The following CDYL variants were observed in gnomAD, a reference collection of about 807,000 sequenced individuals.
CDYL encodes the protein chromodomain Y-like protein.
CDYL carries 8 observed loss-of-function variants against 47.3 expected under a neutral mutation model. The ratio of observed to expected loss-of-function variants is 0.17; its 90% CI spans 0.10 to 0.31. CDYL has a LOEUF of 0.31. Ranked by LOEUF, CDYL falls within the 10% of genes least tolerant of loss-of-function variation. The probability of loss-of-function intolerance (pLI) is 1.00; values close to 1 mark genes in which losing one functional copy is unlikely to be tolerated. For missense variants in CDYL, 471 were observed against 701.4 expected (o/e 0.67, Z 3.71); for synonymous variants, 266 against 265.0 (o/e 1.00, Z -0.04).
intron 1 of CDYL, among the ~76,000 whole-genome samples, chr6:4,833,265 A>G (rs1760199779): frequency 6.8e-6 from 1 of 146,826 alleles, no homozygotes; most frequent in South Asian, 2.2e-4. Flanking sequence ...AGATTCTGGT[A>G]TGTTGTGTCT....
chr6:4,909,310 C>T (rs1177248514), intron 2 of CDYL, among the ~76,000 whole-genome samples: 2 of 152,304 alleles, frequency 1.3e-5, no homozygotes, highest in East Asian at 1.9e-4. Flanking sequence ...CCAGGCTTTC[C>T]GGCGTCCGTA....
intron 1 of CDYL, among the ~76,000 whole-genome samples, chr6:4,890,941 G>A (rs1762024769): frequency 6.6e-6 from 1 of 152,230 alleles, no homozygotes; most frequent in Admixed American, 6.5e-5. Flanking sequence ...GTTCATGTGA[G>A]TAGCGGAAGA....
intron 1 of CDYL, among the ~76,000 whole-genome samples, chr6:4,708,371 G>A (rs1757085547): frequency 1.3e-5 from 2 of 152,016 alleles, no homozygotes; most frequent in Admixed American, 1.3e-4. Flanking sequence ...TGTTGTCCAG[G>A]CTGATCTCAA....
At chr6:4,838,711 G>T (rs953254233) in intron 1 of CDYL, among the ~76,000 whole-genome samples, 49 of 151,570 alleles carry the variant, frequency 3.2e-4, no homozygotes, top group African/African-American at 1.1e-3. Context: ...TTTTGAGACA[G>T]AGTCTCCCTC....
intron 6 of CDYL, among the ~76,000 whole-genome samples, chr6:4,952,666 C>A (rs902169454): frequency 6.6e-6 from 1 of 152,160 alleles, no homozygotes; most frequent in Admixed American, 6.5e-5. Flanking sequence ...CTATGAAAGT[C>A]AACAACAACT....
rs546039513 is a variant in CDYL, at chr6:4,866,041, ACATAT to A, written c.25-25667_25-25663del. 2.6e-5 allele frequency among the ~76,000 whole-genome samples: 4 copies of A among 152,352 alleles called. No homozygotes were observed. The South Asian group carries it at 6.2e-4, about 24-fold the overall frequency. On this transcript the variant is annotated intron_variant, in intron 1 of 6. Coordinates refer to ENST00000397588, the MANE Select transcript of CDYL (RefSeq NM_004824.4). ...AAAGCAGTTAGTATCAACAAAAAAC[ACATAT>A]CATACTGTGTTATCTGATCACAATT...
At chr6:4,722,935 C>G (rs975865596) in intron 2 of CDYL, among the ~76,000 whole-genome samples, 8 of 152,130 alleles carry the variant, frequency 5.3e-5, no homozygotes, top group African/African-American at 1.9e-4. Flanking sequence ...ACTGAGGCAA[C>G]TGATTACCCT....
intron 1 of CDYL, among the ~76,000 whole-genome samples, chr6:4,889,526 AT>A (rs200444516): frequency 2.0e-5 from 3 of 152,078 alleles, no homozygotes; most frequent in Non-Finnish European, 2.9e-5. Context: ...CCCGGCCCAC[AT>A]TTTTTTACTA....
At chr6:4,841,576 TTTTGCTAGG>T (rs1760490693) in intron 1 of CDYL, among the ~76,000 whole-genome samples, 1 of 152,110 alleles carries the variant, frequency 6.6e-6, no homozygotes, top group South Asian at 2.1e-4. Flanking sequence ...ATCCCAGAAG[TTTTGCTAGG>T]TTGTGTCACT....
chr6:4,944,580 A>G (rs776089642), intron 5 of CDYL, among the ~76,000 whole-genome samples: 1 of 152,160 alleles, frequency 6.6e-6, no homozygotes, highest in Non-Finnish European at 1.5e-5. Flanking sequence ...CATGTCCACC[A>G]CAGTTCACCC....
At chr6:4,920,887 A>G (rs1561709386) in intron 2 of CDYL, among the ~76,000 whole-genome samples, 2 of 152,264 alleles carry the variant, frequency 1.3e-5, no homozygotes, top group East Asian at 3.9e-4. Flanking sequence ...AAGTGCTGGG[A>G]TTAGAGGCGT....
intron 1 of CDYL, among the ~76,000 whole-genome samples, chr6:4,814,251 T>G (rs1759609100): frequency 6.6e-6 from 1 of 152,230 alleles, no homozygotes; most frequent in Non-Finnish European, 1.5e-5. Context: ...AATGTTGAAG[T>G]AAGTTTTCTT....
intron 1 of CDYL, among the ~76,000 whole-genome samples, chr6:4,874,621 G>C (rs1761569318): frequency 6.6e-6 from 1 of 152,228 alleles, no homozygotes; most frequent in Non-Finnish European, 1.5e-5. Flanking sequence ...CAAATCTTAA[G>C]TGTATAGTTG....
intron 3 of CDYL, among the ~76,000 whole-genome samples, chr6:4,764,970 T>A (rs1758229962): frequency 6.6e-6 from 1 of 152,220 alleles, no homozygotes; most frequent in African/African-American, 2.4e-5. Flanking sequence ...GACATAAGTG[T>A]TAACAAATTT....
intron 1 of CDYL, among the ~76,000 whole-genome samples, chr6:4,803,473 C>G (rs1420488916): frequency 4.6e-5 from 7 of 152,226 alleles, no homozygotes; most frequent in Non-Finnish European, 7.3e-5. Flanking sequence ...TTATCCTGCT[C>G]TGAAGCCTGG....
At chr6:4,860,153 G>A (rs1250850290) in intron 1 of CDYL, among the ~76,000 whole-genome samples, 5 of 152,004 alleles carry the variant, frequency 3.3e-5, no homozygotes, top group South Asian at 2.1e-4. Context: ...CGCCCGCCTC[G>A]GCCTCCCAAA....
intron 1 of CDYL, among the ~76,000 whole-genome samples, chr6:4,819,003 T>TC (rs112747245): frequency 0.027 from 4,042 of 152,254 alleles, 184 homozygotes; most frequent in African/African-American, 0.092. Context: ...TGGGAGTGCT[T>TC]CCTGATACCC....
At chr6:4,711,017 C>T (rs1348314757) in intron 1 of CDYL, among the ~76,000 whole-genome samples, 1 of 151,990 alleles carries the variant, frequency 6.6e-6, no homozygotes, top group Admixed American at 6.5e-5. Flanking sequence ...TGGATATGTA[C>T]TGCAAAATGC....
intron 2 of CDYL, among the ~76,000 whole-genome samples, chr6:4,922,439 T>C (rs1757744104): frequency 6.6e-6 from 1 of 152,240 alleles, no homozygotes; most frequent in African/African-American, 2.4e-5. Flanking sequence ...TCTTCCTGAA[T>C]GATATTGTTA....
Sources: gnomAD v4.1 joint callset for allele counts (sites outside exome capture counted in the v4.1 genomes callset) on GRCh38, gnomAD v4.1.1 for gene constraint, MANE v1.5 for transcripts, NCBI Gene and HGNC (gene_info 2026-07-23, HGNC 2026-07-21) for gene names.